The following NPAS2 variants were observed in gnomAD, a reference collection of about 807,000 sequenced individuals.
The protein encoded by NPAS2 is neuronal PAS domain protein 2.
In NPAS2, 23 loss-of-function variants were observed where a neutral mutation model predicts 107.5. The observed-to-expected ratio is 0.21, with a 90% CI of 0.15 to 0.30. The LOEUF (loss-of-function observed/expected upper bound fraction) is 0.30. NPAS2 is among the 10% of genes least tolerant of loss of function. NPAS2 has a pLI of 1.00. For synonymous variants in NPAS2, 403 were observed against 417.5 expected (o/e 0.97, Z 0.42); for missense variants, 756 against 1,043.3 (o/e 0.72, Z 3.79).
At chr2:100,826,176 A>T (rs1246729294) in intron 1 of NPAS2, among the ~76,000 whole-genome samples, 2 of 152,098 alleles carry the variant, frequency 1.3e-5, no homozygotes, top group Non-Finnish European at 2.9e-5. Context: ...GGGTGCACTG[A>T]CTCACGCCTG....
chr2:100,866,044 C>T (rs1679230312), intron 1 of NPAS2, among the ~76,000 whole-genome samples: 1 of 152,162 alleles, frequency 6.6e-6, no homozygotes, highest in African/African-American at 2.4e-5. Flanking sequence ...TCAGCAATTC[C>T]GTTTATGAAT....
chr2:100,850,662 C>T (rs757975553), intron 1 of NPAS2, among the ~76,000 whole-genome samples: 13 of 152,136 alleles, frequency 8.5e-5, no homozygotes, highest in Middle Eastern at 3.4e-3. Flanking sequence ...GCCTTAAAAA[C>T]GAAGGACAGG....
intron 1 of NPAS2, among the ~76,000 whole-genome samples, chr2:100,863,219 C>T (rs1214505985): frequency 6.6e-6 from 1 of 152,218 alleles, no homozygotes; most frequent in South Asian, 2.1e-4. Flanking sequence ...GCTGGAGCAT[C>T]TCACACAGGT....
At chr2:100,930,413 A>G (rs1683859301) in intron 3 of NPAS2, among the ~76,000 whole-genome samples, 1 of 152,216 alleles carries the variant, frequency 6.6e-6, no homozygotes, top group Non-Finnish European at 1.5e-5. Flanking sequence ...TACCAGGAGC[A>G]GTCGGGAGTT....
chr2:100,832,125 G>A (rs537631781), intron 1 of NPAS2, among the ~76,000 whole-genome samples: 6 of 152,168 alleles, frequency 3.9e-5, no homozygotes, highest in Non-Finnish European at 7.4e-5. Flanking sequence ...TGCGATCCCC[G>A]CTGAATCCCC....
At chr2:100,938,510 CTT>C (rs1439681689) in intron 5 of NPAS2, among the ~76,000 whole-genome samples, 3 of 151,678 alleles carry the variant, frequency 2.0e-5, no homozygotes, top group Non-Finnish European at 4.4e-5. Context: ...CCTCCCCACT[CTT>C]TCCCTCCGTT....
chr2:100,902,084 G>A (rs756629013), intron 1 of NPAS2, among the ~76,000 whole-genome samples: 1 of 151,896 alleles, frequency 6.6e-6, no homozygotes, highest in Non-Finnish European at 1.5e-5. Flanking sequence ...AAAAAAAGTA[G>A]ATGCTCAAAA....
intron 5 of NPAS2, among the ~76,000 whole-genome samples, chr2:100,939,008 C>T (rs1191223214): frequency 1.3e-5 from 2 of 152,132 alleles, no homozygotes; most frequent in African/African-American, 2.4e-5. Context: ...TGGAGGACCG[C>T]GGTTCCCTCT....
intron 3 of NPAS2, among the ~76,000 whole-genome samples, chr2:100,932,512 G>A (rs971229372): frequency 6.6e-6 from 1 of 151,688 alleles, no homozygotes; most frequent in Admixed American, 6.5e-5. Flanking sequence ...GAAGTGTTTT[G>A]CTTCACCTGG....
At chr2:100,927,941 GA>G (rs1412560905) in intron 3 of NPAS2, among the ~76,000 whole-genome samples, 2 of 152,148 alleles carry the variant, frequency 1.3e-5, no homozygotes, top group African/African-American at 4.8e-5. Context: ...TAATAAGTCA[GA>G]AATGTCAGAA....
At chr2:100,839,192 A>G (rs7592410) in intron 1 of NPAS2, among the ~76,000 whole-genome samples, 105,426 of 152,112 alleles carry the variant, frequency 0.69, 36,851 homozygotes, top group East Asian at 0.82. Context: ...GCAGTGGCAC[A>G]ATCTTGGCTC....
chr2:100,886,543 G>A (rs1417189789), intron 1 of NPAS2, among the ~76,000 whole-genome samples: 1 of 152,174 alleles, frequency 6.6e-6, no homozygotes, highest in Non-Finnish European at 1.5e-5. Flanking sequence ...GTTTTATGCT[G>A]TCCCACATTC....
chr2:100,992,115 C>CTT (rs1158466417), intron 19 of NPAS2, among the ~76,000 whole-genome samples: 2 of 152,180 alleles, frequency 1.3e-5, no homozygotes. Flanking sequence ...CCTAAATGAT[C>CTT]CAAATAAGTG....
At chr2:100,863,942 G>A (rs1407968216) in intron 1 of NPAS2, among the ~76,000 whole-genome samples, 1 of 152,146 alleles carries the variant, frequency 6.6e-6, no homozygotes, top group East Asian at 1.9e-4. Context: ...TTGTCACGCT[G>A]CCAAATCCAA....
chr2:100,836,915 A>G (rs975993725), intron 1 of NPAS2, among the ~76,000 whole-genome samples: 10 of 152,258 alleles, frequency 6.6e-5, no homozygotes, highest in African/African-American at 2.4e-4. Flanking sequence ...ATTGTGAAAC[A>G]TGGTGCTCCT....
intron 1 of NPAS2, among the ~76,000 whole-genome samples, chr2:100,840,472 A>G (rs1677328706): frequency 6.6e-6 from 1 of 152,006 alleles, no homozygotes; most frequent in Non-Finnish European, 1.5e-5. Flanking sequence ...AAAATTATTC[A>G]TTTTTAGGTC....
At chr2:100,932,128 T>C (rs1017182423) in intron 3 of NPAS2, among the ~76,000 whole-genome samples, 3 of 152,224 alleles carry the variant, frequency 2.0e-5, no homozygotes, top group Non-Finnish European at 4.4e-5. Context: ...GAGGATAAAC[T>C]GAAGGAAAAA....
At chr2:100,890,306 C>A (rs1680969504) in intron 1 of NPAS2, among the ~76,000 whole-genome samples, 1 of 152,200 alleles carries the variant, frequency 6.6e-6, no homozygotes, top group Non-Finnish European at 1.5e-5. Context: ...CAGGGCCCAG[C>A]CAAGGCCCCT....
rs149014911 is a variant in NPAS2 at position 100,861,513 on chromosome 2, A to G, written c.-23+41099A>G. Among the ~76,000 whole-genome samples the G allele has an allele frequency of 7.0e-3, 1,065 of 152,238 alleles. 11 individuals carry two copies. The highest frequency in any genetic ancestry group is 0.012 in the Non-Finnish European group (830 of 68,002). On this transcript the variant is annotated intron_variant, in intron 1 of 20. Transcript: ENST00000335681. ...GGAGGGGAGCCGCCTTGGACAGGGA[A>G]GATGGAAGGTTCTGATTCGGGCCTG...
Sources: gnomAD v4.1 joint callset for allele counts (sites outside exome capture counted in the v4.1 genomes callset) on GRCh38, gnomAD v4.1.1 for gene constraint, MANE v1.5 for transcripts, NCBI Gene and HGNC (gene_info 2026-07-23, HGNC 2026-07-21) for gene names.